ZNF678: variants seen among roughly 807,000 people sequenced by gnomAD.
ZNF678 encodes the protein hypothetical protein MGC42493.
In ZNF678, 5 loss-of-function variants were observed where a neutral mutation model predicts 3.0. The ratio of observed to expected loss-of-function variants is 1.69; its 90% CI spans 0.88 to 3.56. The LOEUF (loss-of-function observed/expected upper bound fraction) is 3.56. ZNF678 is among the 30% of genes most tolerant of loss of function. ZNF678 has a pLI of 0.00. For missense variants in ZNF678, 593 were observed against 605.0 expected (o/e 0.98, Z 0.21); for synonymous variants, 218 against 199.6 (o/e 1.09, Z -0.78).
rs114244595 is a variant in ZNF678, at chr1:227,606,247, G to A, written c.-163-40297G>A. 7.3e-3 allele frequency among the ~76,000 whole-genome samples: 1,116 copies of A among 152,240 alleles called. 12 individuals carry two copies. The highest frequency in any genetic ancestry group is 0.025 in the African/African-American group (1,041 of 41,530). On this transcript the variant is annotated intron_variant, in intron 1 of 3. Coordinates refer to ENST00000343776, the MANE Select transcript of ZNF678 (RefSeq NM_001367909.1). ...TCCAAGGGGAGTGTGGCAGGAGAACGGGGTGAATAGGGTGATGGTGGGGAG... is the reference window on the plus strand; with the variant it reads ...TCCAAGGGGAGTGTGGCAGGAGAACAGGGTGAATAGGGTGATGGTGGGGAG...
At chr1:227,580,442 A>G (rs1447703056) in intron 1 of ZNF678, among the ~76,000 whole-genome samples, 2 of 152,222 alleles carry the variant, frequency 1.3e-5, no homozygotes, top group African/African-American at 2.4e-5. Context: ...CAGAAATTAT[A>G]TCCATATTTC....
chr1:227,637,788 A>G (rs1417046436), intron 1 of ZNF678, among the ~76,000 whole-genome samples: 2 of 152,172 alleles, frequency 1.3e-5, no homozygotes, highest in Admixed American at 6.5e-5. Context: ...AGTTCTAGAA[A>G]AGAGAAAATT....
chr1:227,606,637 C>A (rs1246199035), intron 1 of ZNF678, among the ~76,000 whole-genome samples: 3 of 152,168 alleles, frequency 2.0e-5, no homozygotes, highest in Non-Finnish European at 4.4e-5. Flanking sequence ...TAAGGTCTTT[C>A]CCTTCCCACG....
chr1:227,628,433 C>G (rs1299715336), intron 1 of ZNF678, among the ~76,000 whole-genome samples: 1 of 152,204 alleles, frequency 6.6e-6, no homozygotes, highest in Non-Finnish European at 1.5e-5. Context: ...TATTGGCTTT[C>G]TGAGTTCCCG....
rs917145493 is a variant in ZNF678 at position 227,657,109 on chromosome 1, T to C, written c.*1281T>C. On this transcript the variant is annotated 3_prime_UTR_variant, in exon 4 of 4. Transcript: ENST00000343776. ...GGTCTAGTGGAAGGTGTTTAGGTCATGGGTGTAGATTACTCATGAATGGAT... is the reference window on the plus strand; with the variant it reads ...GGTCTAGTGGAAGGTGTTTAGGTCACGGGTGTAGATTACTCATGAATGGAT... The C allele has an allele frequency of 2.0e-5, 3 of 151,914 alleles. No homozygotes were observed. Among genetic ancestry groups the C allele is most frequent in the African/African-American group, 7.2e-5 (3 of 41,398 alleles). The allele number at this position is 151,914 out of a possible 1,614,324, so 9.4% of individuals were successfully genotyped here. A position where few individuals can be genotyped will look rare whatever the true frequency, so the allele number is the denominator to read the frequency against.
chr1:227,649,856 ATTAT>A (rs926639256), intron 2 of ZNF678, among the ~76,000 whole-genome samples: 2 of 151,974 alleles, frequency 1.3e-5, no homozygotes, highest in African/African-American at 2.4e-5. Context: ...TTTCAATTTT[ATTAT>A]TATTATCATT....
At position 227,655,414 on chromosome 1, in the gene ZNF678, G is replaced by A. The variant is rs1198731108; in HGVS notation, c.1164G>A (p.Lys388=). The part of the protein sequence containing the change: ...KCKECGKAFN[K]FSSLTQHRRI... ...AAGAATGTGGCAAAGCGTTTAACAAGTTCTCAAGCCTTACTCAACATAGGA... is the reference window on the plus strand; with the variant it reads ...AAGAATGTGGCAAAGCGTTTAACAAATTCTCAAGCCTTACTCAACATAGGA... The change falls in exon 4 of 4, where the codon AAG becomes AAA. Residue 388 remains lysine, a synonymous_variant. Coordinates refer to ENST00000343776, the MANE Select transcript of ZNF678 (RefSeq NM_001367909.1). The A allele has an allele frequency of 1.2e-6, 2 of 1,611,930 alleles. No homozygotes were observed. The highest frequency in any genetic ancestry group is 1.7e-6 in the Non-Finnish European group (2 of 1,179,100).
intron 1 of ZNF678, among the ~76,000 whole-genome samples, chr1:227,585,773 C>T (rs1202899316): frequency 1.4e-5 from 2 of 141,628 alleles, no homozygotes; most frequent in Admixed American, 7.4e-5. Context: ...GAGATTCAGT[C>T]CCCCCAAAAA....
downstream of ZNF678, among the ~76,000 whole-genome samples, chr1:227,679,638 C>T (rs957169644): frequency 2.6e-5 from 4 of 152,076 alleles, no homozygotes; most frequent in African/African-American, 9.7e-5. Context: ...CTTGCCGATG[C>T]TCCCAGCCAA....
intron 1 of ZNF678, among the ~76,000 whole-genome samples, chr1:227,575,748 C>G (rs1656972142): frequency 6.6e-6 from 1 of 152,010 alleles, no homozygotes; most frequent in Admixed American, 6.6e-5. Context: ...TTTCTCTTGC[C>G]TGATTGCCCT....
intron 1 of ZNF678, among the ~76,000 whole-genome samples, chr1:227,581,053 A>G (rs1657118578): frequency 6.6e-6 from 1 of 152,262 alleles, no homozygotes; most frequent in South Asian, 2.1e-4. Context: ...AGTCTTCAAT[A>G]TGAATGCTGA....
chr1:227,673,336 G>C (rs1217170288), intron 5 of ZNF678, among the ~76,000 whole-genome samples: 2 of 152,198 alleles, frequency 1.3e-5, no homozygotes, highest in African/African-American at 4.8e-5. Context: ...TCCTGTCTTA[G>C]ATGACGTTTC....
chr1:227,617,216 A>T (rs918434518), intron 1 of ZNF678, among the ~76,000 whole-genome samples: 1 of 152,212 alleles, frequency 6.6e-6, no homozygotes, highest in Non-Finnish European at 1.5e-5. Context: ...TGACCTGACC[A>T]TGATGACCTG....
At chr1:227,600,279 A>G (rs1657702687) in intron 1 of ZNF678, among the ~76,000 whole-genome samples, 1 of 152,222 alleles carries the variant, frequency 6.6e-6, no homozygotes, top group South Asian at 2.1e-4. Context: ...ATAAGTGTGC[A>G]TGTGTCTTTA....
intron 1 of ZNF678, among the ~76,000 whole-genome samples, chr1:227,565,810 AGCGC>A (rs1408023472): frequency 2.6e-4 from 40 of 152,168 alleles, no homozygotes; most frequent in African/African-American, 9.6e-4. Context: ...CCCAGGCTGG[AGCGC>A]AGTGGCCTGA....
intron 1 of ZNF678, among the ~76,000 whole-genome samples, chr1:227,618,861 T>C (rs1658205137): frequency 6.6e-6 from 1 of 152,178 alleles, no homozygotes; most frequent in African/African-American, 2.4e-5. Context: ...TATAAAGAAA[T>C]ACCTGAGACT....
At chr1:227,635,702 A>G (rs1004971900) in intron 1 of ZNF678, among the ~76,000 whole-genome samples, 5 of 152,028 alleles carry the variant, frequency 3.3e-5, no homozygotes, top group African/African-American at 1.2e-4. Context: ...TAACTGCTAC[A>G]TTGTTGTACC....
chr1:227,676,594 C>T (rs965439030), intron 5 of ZNF678, among the ~76,000 whole-genome samples: 5 of 151,954 alleles, frequency 3.3e-5, no homozygotes, highest in Non-Finnish European at 5.9e-5. Flanking sequence ...CATATGTATA[C>T]ATGTGCCATG....
intron 5 of ZNF678, among the ~76,000 whole-genome samples, chr1:227,676,247 C>G (rs187603226): frequency 3.9e-5 from 6 of 152,256 alleles, no homozygotes; most frequent in African/African-American, 1.4e-4. Context: ...TGATAGCATC[C>G]CAGAGTACCT....
Sources: gnomAD v4.1 joint callset for allele counts (sites outside exome capture counted in the v4.1 genomes callset) on GRCh38, gnomAD v4.1.1 for gene constraint, MANE v1.5 for transcripts, NCBI Gene and HGNC (gene_info 2026-07-23, HGNC 2026-07-21) for gene names.